Variants in SCN11A observed in about 807,000 individuals in gnomAD.
The protein encoded by SCN11A is sodium channel protein type 11 subunit alpha.
SCN11A carries 122 observed loss-of-function variants against 162.2 expected under a neutral mutation model. That is an observed-to-expected ratio of 0.75 (90% CI 0.65 to 0.87). The LOEUF (loss-of-function observed/expected upper bound fraction) is 0.87. Ranked by LOEUF, SCN11A falls within the 40% of genes least tolerant of loss-of-function variation. SCN11A has a pLI of 0.00. For missense variants in SCN11A, 2,015 were observed against 2,181.6 expected, an observed-to-expected ratio of 0.92 and a Z score of 1.52; for synonymous variants, 758 against 751.5, an observed-to-expected ratio of 1.01 and a Z score of -0.14.
chr3:38,905,645 C>T (rs1455633864), intron 14 of SCN11A, among the ~76,000 whole-genome samples: 3 of 152,014 alleles, frequency 2.0e-5, no homozygotes, highest in African/African-American at 7.2e-5. Flanking sequence ...GCAATGGTTC[C>T]GGGTATGAAA....
At chr3:39,039,834 T>C (rs923581647) in intron 1 of SCN11A, among the ~76,000 whole-genome samples, 18 of 151,934 alleles carry the variant, frequency 1.2e-4, no homozygotes, top group Admixed American at 9.8e-4. Flanking sequence ...AGAGCTACCA[T>C]GTACCTGAAA....
chr3:39,002,373 G>C (rs2030842192), intron 2 of SCN11A, among the ~76,000 whole-genome samples: 1 of 152,186 alleles, frequency 6.6e-6, no homozygotes, highest in African/African-American at 2.4e-5. Flanking sequence ...CTATGTTTGT[G>C]AAGTAAAAAG....
intron 1 of SCN11A, among the ~76,000 whole-genome samples, chr3:39,044,856 A>G (rs1559584659): frequency 6.6e-6 from 1 of 152,138 alleles, no homozygotes; most frequent in Non-Finnish European, 1.5e-5. Context: ...GACAAAAAAT[A>G]CAAATCAACA....
chr3:38,908,402 A>C (rs553386858), intron 13 of SCN11A, among the ~76,000 whole-genome samples: 1 of 152,288 alleles, frequency 6.6e-6, no homozygotes, highest in South Asian at 2.1e-4. Flanking sequence ...GGCACTCAAT[A>C]AATACTTATG....
chr3:38,987,025 G>A (rs1167519086), intron 2 of SCN11A, among the ~76,000 whole-genome samples: 2 of 152,132 alleles, frequency 1.3e-5, no homozygotes, highest in Admixed American at 6.5e-5. Flanking sequence ...ATCCCATTGA[G>A]AAACACAAGG....
chr3:38,943,359 T>C (rs887617865), intron 7 of SCN11A, among the ~76,000 whole-genome samples: 9 of 152,040 alleles, frequency 5.9e-5, no homozygotes, highest in African/African-American at 2.2e-4. Flanking sequence ...CATGAGACGT[T>C]TTGGGGGGTA....
chr3:39,000,010 T>C (rs111984712), intron 2 of SCN11A, among the ~76,000 whole-genome samples: 6,515 of 152,182 alleles, frequency 0.043, 260 homozygotes, highest in African/African-American at 0.1. Context: ...CAATACCCCC[T>C]CAGGCTTGGC....
chr3:38,907,353 TATATACACACAC>T (rs1171133389), intron 14 of SCN11A, among the ~76,000 whole-genome samples: 3 of 60,644 alleles, frequency 4.9e-5, no homozygotes, highest in African/African-American at 9.4e-5. Context: ...TATATATCTA[TATATACACACAC>T]ACACACACAC....
rs2066730156 is a variant in SCN11A at position 38,960,422 on chromosome 3, G to C, written c.-278C>G. ...GCCCTTCTGGGAGGAGCGGCTTGGAGGCTGGGTGGAGAGTGTGGAGGAAGG... is the reference window on the plus strand; with the variant it reads ...GCCCTTCTGGGAGGAGCGGCTTGGACGCTGGGTGGAGAGTGTGGAGGAAGG... On this transcript the variant is annotated splice_region_variant and 5_prime_UTR_variant, in exon 3 of 30. Transcript: ENST00000302328. Among the ~76,000 whole-genome samples, 1 of 152,180 alleles carries C rather than the reference G, an allele frequency of 6.6e-6. No homozygotes were observed. The highest frequency in any genetic ancestry group is 2.4e-5 in the African/African-American group (1 of 41,442).
At chr3:39,047,237 T>C (rs1219410264) in intron 1 of SCN11A, among the ~76,000 whole-genome samples, 1 of 151,362 alleles carries the variant, frequency 6.6e-6, no homozygotes, top group African/African-American at 2.4e-5. Flanking sequence ...GCCTGGCAAT[T>C]AACTGATTTT....
At chr3:39,047,870 A>C (rs2032223856) in intron 1 of SCN11A, among the ~76,000 whole-genome samples, 2 of 152,038 alleles carry the variant, frequency 1.3e-5, no homozygotes, top group Admixed American at 1.3e-4. Flanking sequence ...AAAAAGACAA[A>C]AACAAATGCA....
chr3:39,036,238 G>T (rs1379924141), intron 1 of SCN11A, among the ~76,000 whole-genome samples: 1 of 152,244 alleles, frequency 6.6e-6, no homozygotes, highest in South Asian at 2.1e-4. Flanking sequence ...CCGCCTCCCA[G>T]GTTCAAGAGA....
intron 3 of SCN11A, among the ~76,000 whole-genome samples, chr3:38,957,719 G>A (rs1019264580): frequency 6.6e-6 from 1 of 152,222 alleles, no homozygotes; most frequent in Admixed American, 6.5e-5. Flanking sequence ...ACCTAGGAGA[G>A]AGGACTAAGG....
chr3:39,005,473 G>A lies in SCN11A; in HGVS notation c.-280+26907C>T, dbSNP rs137917658. Reference sequence around the variant, plus strand: ...TCTTTCCTTTCCTACCTCTGGCTTCGCATAATGAGCCCCATTCTAGTCTCC... The same window carrying A: ...TCTTTCCTTTCCTACCTCTGGCTTCACATAATGAGCCCCATTCTAGTCTCC... On this transcript the variant is annotated intron_variant, in intron 2 of 29. Coordinates refer to ENST00000302328, the MANE Select transcript of SCN11A (RefSeq NM_001349253.2). 5.1e-4 allele frequency among the ~76,000 whole-genome samples: 77 copies of A among 152,224 alleles called. 5 individuals are homozygous for A. In the East Asian group the frequency reaches 0.013, roughly 25 times the overall value.
At chr3:39,044,023 G>A (rs1300205731) in intron 1 of SCN11A, among the ~76,000 whole-genome samples, 1 of 151,978 alleles carries the variant, frequency 6.6e-6, no homozygotes, top group African/African-American at 2.4e-5. Context: ...TTTTTTAAAT[G>A]CCAAATGTAA....
intron 2 of SCN11A, among the ~76,000 whole-genome samples, chr3:39,007,549 C>T (rs2031012072): frequency 6.6e-6 from 1 of 152,100 alleles, no homozygotes; most frequent in Non-Finnish European, 1.5e-5. Context: ...GAGCTATTCA[C>T]CAATGGCAAT....
At chr3:39,001,710 A>AAAACAAACAAAC (rs149361919) in intron 2 of SCN11A, among the ~76,000 whole-genome samples, 223 of 151,376 alleles carry the variant, frequency 1.5e-3, no homozygotes, top group Non-Finnish European at 2.1e-3. Flanking sequence ...GCATTTGTTT[A>AAAACAAACAAAC]AAACAAACAA....
Position 38,921,271 on chromosome 3 carries a change from G to A in SCN11A, c.713-16C>T, listed in dbSNP as rs774414484. Reference sequence around the variant, plus strand: ...ACCTTCAGACCTGAGAAAGAGGACAGGCTTGGGGAGAAGCCCATCCCCCTC... The same window carrying A: ...ACCTTCAGACCTGAGAAAGAGGACAAGCTTGGGGAGAAGCCCATCCCCCTC... On this transcript the variant is annotated splice_polypyrimidine_tract_variant and intron_variant, in intron 9 of 29. Coordinates refer to ENST00000302328, the MANE Select transcript of SCN11A (RefSeq NM_001349253.2). 3.1e-6 allele frequency: 5 copies of A among 1,610,536 alleles called. No individual in the cohort carries two copies. The African/African-American group carries it at 6.7e-5, about 21-fold the overall frequency.
At chr3:38,963,387 GATGGAGATAT>G (rs2066757103) in intron 2 of SCN11A, among the ~76,000 whole-genome samples, 8 of 48,692 alleles carry the variant, frequency 1.6e-4, no homozygotes, top group Non-Finnish European at 2.7e-4. Flanking sequence ...ATATATATAT[GATGGAGATAT>G]ATATATATAT....
Sources: allele counts gnomAD v4.1 joint callset (sites outside exome capture counted in the v4.1 genomes callset), GRCh38; gene constraint gnomAD v4.1.1; transcripts MANE v1.5; gene names NCBI Gene and HGNC (gene_info 2026-07-23, HGNC 2026-07-21).